The following ZCCHC7 variants were observed in gnomAD, a reference collection of about 807,000 sequenced individuals.
ZCCHC7 encodes the protein zinc finger CCHC-type containing 7, also known as zinc finger CCHC domain-containing protein 7.
ZCCHC7 carries 35 observed loss-of-function variants against 52.0 expected under a neutral mutation model. The ratio of observed to expected loss-of-function variants is 0.67; its 90% confidence interval spans 0.51 to 0.89. The LOEUF is 0.89. Ranked by LOEUF, ZCCHC7 falls within the 40% of genes least tolerant of loss-of-function variation. ZCCHC7 has a pLI of 0.00. For synonymous variants in ZCCHC7, 217 were observed against 221.5 expected, an observed-to-expected ratio of 0.98 and a Z score of 0.18; for missense variants, 574 against 649.1, an observed-to-expected ratio of 0.88 and a Z score of 1.26.
intron 2 of ZCCHC7, among the ~76,000 whole-genome samples, chr9:37,153,741 G>A (rs772156823): frequency 4.0e-5 from 6 of 151,426 alleles, no homozygotes; most frequent in African/African-American, 7.3e-5. Flanking sequence ...CGCTCATCTT[G>A]TTTCTTTCTT....
rs1588661271 is a variant in ZCCHC7 at position 37,316,847 on chromosome 9, G to T, written c.952-10952G>T. Among the ~76,000 whole-genome samples the T allele has an allele frequency of 2.0e-5, 3 of 148,394 alleles. 1 individual carries two copies. The highest frequency in any genetic ancestry group is 2.0e-4 in the Admixed American group (3 of 14,846). On this transcript the variant is annotated intron_variant, in intron 5 of 8. Transcript: ENST00000336755. ...AAATACCACCTGAGCTGCCAGTACT[G>T]GTGGGATTTCACATAAGCCTCTTTT...
At chr9:37,158,743 C>T (rs1254109323) in intron 2 of ZCCHC7, among the ~76,000 whole-genome samples, 1 of 151,948 alleles carries the variant, frequency 6.6e-6, no homozygotes, top group Non-Finnish European at 1.5e-5. Flanking sequence ...TAGAATCCAT[C>T]AGTAGAAGAA....
chr9:37,184,610 CTTTA>C (rs955554093), intron 2 of ZCCHC7, among the ~76,000 whole-genome samples: 3 of 152,154 alleles, frequency 2.0e-5, no homozygotes, highest in African/African-American at 7.2e-5. Flanking sequence ...AGATTTCCAG[CTTTA>C]TTTATTGATC....
chr9:37,135,442 C>T (rs1842957445), intron 2 of ZCCHC7, among the ~76,000 whole-genome samples: 1 of 151,952 alleles, frequency 6.6e-6, no homozygotes, highest in Non-Finnish European at 1.5e-5. Context: ...AGAAAAATGC[C>T]TTCTGCAAAA....
intron 2 of ZCCHC7, among the ~76,000 whole-genome samples, chr9:37,245,426 A>G (rs1006807849): frequency 6.6e-6 from 1 of 152,076 alleles, no homozygotes; most frequent in Non-Finnish European, 1.5e-5. Flanking sequence ...ATTATTAGAT[A>G]AGCAAATAAT....
Position 37,158,485 on chromosome 9 carries a change from A to G in ZCCHC7, c.610+31543A>G, listed in dbSNP as rs561804178. Among the ~76,000 whole-genome samples, 13 of 152,334 alleles carry G rather than the reference A, an allele frequency of 8.5e-5. 1 individual carries two copies. The South Asian group carries it at 2.5e-3, about 29-fold the overall frequency. ...AATGGATGATGTGGGAACAGTGTGT[A>G]AGGAGTATCTGGAGGGAACATGAAG... On this transcript the variant is annotated intron_variant, in intron 2 of 8. Coordinates refer to ENST00000336755, the MANE Select transcript of ZCCHC7 (RefSeq NM_032226.3).
intron 2 of ZCCHC7, among the ~76,000 whole-genome samples, chr9:37,181,987 A>G (rs1230271917): frequency 6.6e-6 from 1 of 152,112 alleles, no homozygotes; most frequent in East Asian, 1.9e-4. Context: ...CCCAGCCCAA[A>G]CAGATGATTT....
intron 2 of ZCCHC7, among the ~76,000 whole-genome samples, chr9:37,256,858 A>G (rs1425871260): frequency 6.6e-6 from 1 of 152,208 alleles, no homozygotes; most frequent in African/African-American, 2.4e-5. Context: ...GTAAAAAGCA[A>G]TTGAATTACT....
At chr9:37,201,035 T>A (rs1304778916) in intron 2 of ZCCHC7, among the ~76,000 whole-genome samples, 1 of 152,230 alleles carries the variant, frequency 6.6e-6, no homozygotes, top group Non-Finnish European at 1.5e-5. Context: ...TAACAGGGGC[T>A]ATGGGAGACA....
chr9:37,264,984 G>T (rs1173979847), intron 2 of ZCCHC7, among the ~76,000 whole-genome samples: 2 of 152,158 alleles, frequency 1.3e-5, no homozygotes, highest in African/African-American at 4.8e-5. Context: ...CTGAATTTAT[G>T]TATGTGTGTG....
chr9:37,148,848 A>G (rs1463742853), intron 2 of ZCCHC7, among the ~76,000 whole-genome samples: 1 of 152,154 alleles, frequency 6.6e-6, no homozygotes, highest in Non-Finnish European at 1.5e-5. Flanking sequence ...TGTAAGTAGC[A>G]AATTTTTTTC....
intron 2 of ZCCHC7, among the ~76,000 whole-genome samples, chr9:37,174,848 C>T (rs1264929771): frequency 2.6e-5 from 4 of 151,996 alleles, no homozygotes; most frequent in African/African-American, 4.8e-5. Context: ...TAAGAATATT[C>T]GATCCTGGCC....
intron 2 of ZCCHC7, among the ~76,000 whole-genome samples, chr9:37,131,137 G>A (rs1393771387): frequency 2.0e-5 from 3 of 150,652 alleles, no homozygotes; most frequent in Non-Finnish European, 4.4e-5. Flanking sequence ...TCGGGAGATC[G>A]AGACCAGCCT....
At chr9:37,294,985 A>C (rs138319368) in intron 2 of ZCCHC7, among the ~76,000 whole-genome samples, 2 of 152,332 alleles carry the variant, frequency 1.3e-5, no homozygotes, top group East Asian at 3.9e-4. Flanking sequence ...ATGTTATTTA[A>C]TTAATTAATT....
intron 2 of ZCCHC7, among the ~76,000 whole-genome samples, chr9:37,234,540 G>T (rs892210279): frequency 6.6e-6 from 1 of 152,200 alleles, no homozygotes; most frequent in Non-Finnish European, 1.5e-5. Flanking sequence ...TGGGGATGCA[G>T]TGAAGTATAG....
intron 2 of ZCCHC7, among the ~76,000 whole-genome samples, chr9:37,294,557 G>A (rs1405926635): frequency 1.3e-5 from 2 of 152,190 alleles, no homozygotes; most frequent in Non-Finnish European, 2.9e-5. Context: ...TTAAGAACTG[G>A]TTATTACAGA....
chr9:37,191,648 AAATTAATCCG>A (rs1427208228), intron 2 of ZCCHC7, among the ~76,000 whole-genome samples: 3 of 152,188 alleles, frequency 2.0e-5, no homozygotes, highest in African/African-American at 7.2e-5. Flanking sequence ...ATAACCATTT[AAATTAATCCG>A]ATTATACCTG....
chr9:37,357,096 A>T lies in ZCCHC7; in HGVS notation c.1460A>T (p.Lys487Ile), dbSNP rs776048129. The stretch of plus-strand genomic sequence containing the variant: ...ACCTACTCTTCTCCTGGCAGTTTTA[A>T]AACCCAGAAGCCTTCTAAGCCCTTT... ...PKTYSSPGSFKTQKPSKPFHR... is the reference protein window; with the variant it reads ...PKTYSSPGSFITQKPSKPFHR... Residue 487 changes from lysine to isoleucine, a missense_variant, in exon 9 of 9, where the codon AAA becomes ATA. Around this residue, in one of 3 missense-constraint regions of ZCCHC7, gnomAD observed 168 missense variants for 171.6 expected, o/e 0.98. Coordinates refer to ENST00000336755, the MANE Select transcript of ZCCHC7 (RefSeq NM_032226.3). 1 of 1,613,850 alleles carries T rather than the reference A, an allele frequency of 6.2e-7. No individual in the cohort carries two copies. Among genetic ancestry groups the T allele is most frequent in the Admixed American group, 1.7e-5 (1 of 59,972 alleles).
Position 37,305,530 on chromosome 9 carries a change from T to C in ZCCHC7, c.781-14T>C. ...TTGAGACTGAAGAGATTTTATGTTTTTTTCGCCACATAGAAAGTTCGTCGC... is the reference window on the plus strand; with the variant it reads ...TTGAGACTGAAGAGATTTTATGTTTCTTTCGCCACATAGAAAGTTCGTCGC... On this transcript the variant is annotated splice_polypyrimidine_tract_variant and intron_variant, in intron 4 of 8. Transcript: ENST00000336755. The C allele has an allele frequency of 6.2e-7, 1 of 1,612,672 alleles. No homozygotes were observed. Among genetic ancestry groups the C allele is most frequent in the Non-Finnish European group, 8.5e-7 (1 of 1,179,596 alleles).
Sources: gnomAD v4.1 joint callset for allele counts (sites outside exome capture counted in the v4.1 genomes callset) on GRCh38, gnomAD v4.1.1 for gene constraint, gnomAD v4.1.1 regional missense constraint, MANE v1.5 for transcripts, NCBI Gene and HGNC (gene_info 2026-07-23, HGNC 2026-07-21) for gene names.